SUGCT: variants seen among roughly 807,000 people sequenced by gnomAD.
SUGCT encodes succinyl-CoA:glutarate CoA-transferase.
A neutral mutation model predicts 55.0 loss-of-function variants in SUGCT; 41 were observed. The observed-to-expected ratio is 0.74, with a 90% confidence interval of 0.58 to 0.97. The LOEUF (loss-of-function observed/expected upper bound fraction) is 0.97. Among genes scored for constraint, SUGCT ranks in the 50% least tolerant of loss-of-function variants. The pLI is 0.00. For synonymous variants in SUGCT, 187 were observed against 200.4 expected (o/e 0.93, Z 0.56); for missense variants, 568 against 547.8 (o/e 1.04, Z -0.37).
intron 13 of SUGCT, among the ~76,000 whole-genome samples, chr7:40,761,674 C>T (rs1458406260): frequency 6.6e-6 from 1 of 152,144 alleles, no homozygotes; most frequent in African/African-American, 2.4e-5. Context: ...CAGCAGAGCC[C>T]TTTTTCCCTC....
At chr7:40,826,055 A>G (rs776701017) in intron 13 of SUGCT, among the ~76,000 whole-genome samples, 6 of 152,234 alleles carry the variant, frequency 3.9e-5, no homozygotes, top group Non-Finnish European at 7.3e-5. Flanking sequence ...AAAACCCACA[A>G]TAAACAACTC....
At chr7:40,476,689 T>A (rs1790701635) in intron 11 of SUGCT, among the ~76,000 whole-genome samples, 1 of 152,150 alleles carries the variant, frequency 6.6e-6, no homozygotes, top group South Asian at 2.1e-4. Flanking sequence ...TTAGGGCATT[T>A]AAAATTTTTA....
chr7:40,978,842 A>G, the SUGCT span, among the ~76,000 whole-genome samples: 1 of 152,190 alleles, frequency 6.6e-6, no homozygotes, highest in African/African-American at 2.4e-5. Flanking sequence ...AATGTGTATG[A>G]CACAGGTTAT....
chr7:40,486,373 T>C (rs998153849), intron 11 of SUGCT, among the ~76,000 whole-genome samples: 1 of 152,142 alleles, frequency 6.6e-6, no homozygotes, highest in African/African-American at 2.4e-5. Context: ...TTTAAAGAAC[T>C]TGGACCCCTC....
At chr7:40,626,611 TG>T (rs1799540900) in intron 12 of SUGCT, among the ~76,000 whole-genome samples, 1 of 152,166 alleles carries the variant, frequency 6.6e-6, no homozygotes, top group African/African-American at 2.4e-5. Context: ...CCTGGGAATG[TG>T]TGCTTTCTGC....
chr7:40,214,102 A>G (rs759658085), intron 6 of SUGCT, among the ~76,000 whole-genome samples: 4 of 152,278 alleles, frequency 2.6e-5, no homozygotes, highest in East Asian at 3.9e-4. Flanking sequence ...ACTATTATCA[A>G]CTGCTAAGCT....
chr7:40,829,780 C>T (rs566695000), intron 13 of SUGCT, among the ~76,000 whole-genome samples: 43 of 152,270 alleles, frequency 2.8e-4, no homozygotes, highest in African/African-American at 9.4e-4. Context: ...ACCCATATCA[C>T]TCTGTGGAGG....
chr7:40,591,073 G>T (rs891350188), intron 12 of SUGCT, among the ~76,000 whole-genome samples: 17 of 152,118 alleles, frequency 1.1e-4, no homozygotes, highest in Admixed American at 3.9e-4. Context: ...ATTTCATAAG[G>T]TTGTGGCTGC....
chr7:40,530,174 TA>T (rs1562840602), intron 12 of SUGCT, among the ~76,000 whole-genome samples: 1 of 152,220 alleles, frequency 6.6e-6, no homozygotes, highest in East Asian at 1.9e-4. Context: ...AATTCACTCC[TA>T]AGATTTGTTC....
At chr7:40,870,453 C>T in the SUGCT span, among the ~76,000 whole-genome samples, 7 of 152,154 alleles carry the variant, frequency 4.6e-5, no homozygotes, top group Admixed American at 3.9e-4. Flanking sequence ...ACTTGTGGCT[C>T]TATTCAGGGC....
chr7:40,436,021 G>A (rs144678682), intron 9 of SUGCT, among the ~76,000 whole-genome samples: 377 of 148,302 alleles, frequency 2.5e-3, no homozygotes, highest in Middle Eastern at 0.018. Flanking sequence ...TCAGCTCACT[G>A]GAACCTCTGC....
At chr7:40,902,243 G>A in the SUGCT span, among the ~76,000 whole-genome samples, 1 of 152,134 alleles carries the variant, frequency 6.6e-6, no homozygotes, top group South Asian at 2.1e-4. Flanking sequence ...CATACATTAT[G>A]TGGCCAGAAT....
intron 7 of SUGCT, among the ~76,000 whole-genome samples, chr7:40,262,243 G>A (rs1055245412): frequency 1.3e-5 from 2 of 152,094 alleles, no homozygotes; most frequent in Non-Finnish European, 2.9e-5. Flanking sequence ...GATGGTAAAA[G>A]CATCTATGGC....
chr7:40,880,801 A>T, the SUGCT span, among the ~76,000 whole-genome samples: 4 of 152,216 alleles, frequency 2.6e-5, no homozygotes, highest in African/African-American at 9.6e-5. Context: ...CAGCTGATAG[A>T]CAGAAGTTCT....
intron 12 of SUGCT, among the ~76,000 whole-genome samples, chr7:40,557,863 G>A (rs768048190): frequency 6.6e-6 from 1 of 151,782 alleles, no homozygotes; most frequent in Non-Finnish European, 1.5e-5. Context: ...TTACACATCT[G>A]ATAAGGGATT....
chr7:40,523,398 C>A (rs1793652761), intron 12 of SUGCT, among the ~76,000 whole-genome samples: 1 of 151,930 alleles, frequency 6.6e-6, no homozygotes, highest in African/African-American at 2.4e-5. Flanking sequence ...GTAAATGTAC[C>A]TGTTTTCTCC....
intron 12 of SUGCT, among the ~76,000 whole-genome samples, chr7:40,701,167 G>A (rs1460614254): frequency 6.6e-6 from 1 of 152,142 alleles, no homozygotes; most frequent in Non-Finnish European, 1.5e-5. Flanking sequence ...GTTGGGCTTC[G>A]TCATTTTATG....
chr7:40,680,630 G>C (rs1784191568), intron 12 of SUGCT, among the ~76,000 whole-genome samples: 1 of 152,084 alleles, frequency 6.6e-6, no homozygotes, highest in Non-Finnish European at 1.5e-5. Flanking sequence ...AGTTTTACAG[G>C]AGGAAAAAAA....
chr7:40,185,518 A>T (rs1225025789), intron 3 of SUGCT, among the ~76,000 whole-genome samples: 1 of 151,338 alleles, frequency 6.6e-6, no homozygotes. Context: ...CCTAGCAGGG[A>T]TTTATTGTCT....
Sources: gnomAD v4.1 joint callset for allele counts (sites outside exome capture counted in the v4.1 genomes callset) on GRCh38, gnomAD v4.1.1 for gene constraint, MANE v1.5 for transcripts, NCBI Gene and HGNC (gene_info 2026-07-23, HGNC 2026-07-21) for gene names.